The following NFYC variants were observed in gnomAD, a reference collection of about 807,000 sequenced individuals.
The protein encoded by NFYC is CAAT box DNA-binding protein subunit C.
A neutral mutation model predicts 53.1 loss-of-function variants in NFYC; 25 were observed. That is an observed-to-expected ratio of 0.47 (90% CI 0.34 to 0.66). The LOEUF is 0.66. NFYC is among the 30% of genes least tolerant of loss of function. The pLI, the probability that NFYC is intolerant of heterozygous loss-of-function variation, is 0.01. For missense variants in NFYC, 260 were observed against 422.7 expected (o/e 0.62, Z 3.38); for synonymous variants, 145 against 152.6 (o/e 0.95, Z 0.37).
chr1:40,765,266 T>C (rs1468551835), intron 7 of NFYC, among the ~76,000 whole-genome samples: 2 of 152,222 alleles, frequency 1.3e-5, no homozygotes, highest in Non-Finnish European at 2.9e-5. Context: ...GTCCTAATAC[T>C]CTTGCCCTGT....
chr1:40,710,996 A>G (rs1049742791), intron 1 of NFYC, among the ~76,000 whole-genome samples: 5 of 152,152 alleles, frequency 3.3e-5, no homozygotes, highest in African/African-American at 1.2e-4. Flanking sequence ...TCAGATTAGG[A>G]ATTTTCAGGG....
intron 1 of NFYC, among the ~76,000 whole-genome samples, chr1:40,737,965 G>GGATCTCGGCTCACTGCAA (rs1557832426): frequency 2.0e-5 from 3 of 148,090 alleles, no homozygotes; most frequent in Non-Finnish European, 4.5e-5. Flanking sequence ...TGCAGTGGCG[G>GGATCTCGGCTCACTGCAA]GATCTCGGCT....
Position 40,696,111 on chromosome 1 carries a change from C to T in NFYC, c.-9+4244C>T, listed in dbSNP as rs1359241728. ...CGATCTTGGCTCACTGCAACCTCTG[C>T]CTCCCAGGTTCAAGCGATTCTCTTG... On this transcript the variant is annotated intron_variant, in intron 1 of 9. Coordinates refer to ENST00000447388, the MANE Select transcript of NFYC (RefSeq NM_014223.5). Among the ~76,000 whole-genome samples, 5 of 149,684 alleles carry T rather than the reference C, an allele frequency of 3.3e-5. No individual in the cohort carries two copies. The East Asian group carries it at 9.8e-4, about 29-fold the overall frequency.
At chr1:40,743,059 C>T (rs146171629) in intron 2 of NFYC, among the ~76,000 whole-genome samples, 4 of 152,182 alleles carry the variant, frequency 2.6e-5, no homozygotes, top group African/African-American at 7.2e-5. Context: ...GTAAAACTTA[C>T]GAGAATATTC....
At chr1:40,698,875 A>C (rs1231638225) in intron 1 of NFYC, among the ~76,000 whole-genome samples, 1 of 152,218 alleles carries the variant, frequency 6.6e-6, no homozygotes, top group East Asian at 1.9e-4. Flanking sequence ...AATAAGAGGA[A>C]TGAGATGGGC....
intron 1 of NFYC, among the ~76,000 whole-genome samples, chr1:40,728,527 C>T (rs1341726602): frequency 6.6e-6 from 1 of 151,904 alleles, no homozygotes; most frequent in Non-Finnish European, 1.5e-5. Context: ...ACCCAGAAGG[C>T]GGAGGTTGCA....
intron 1 of NFYC, among the ~76,000 whole-genome samples, chr1:40,737,996 G>A (rs933052362): frequency 2.7e-5 from 4 of 149,204 alleles, no homozygotes; most frequent in Admixed American, 6.7e-5. Context: ...TCCGCCTCCC[G>A]GGTTCACGCC....
In NFYC at chr1:40,743,836, C is replaced by T. The variant is rs116332037; in HGVS notation, c.106-3698C>T. Reference sequence around the variant, plus strand: ...TGATGCTGATTTAGTAGGTTAGGAACGGAACCTGGGATTCTGTGTTTCTTT... The same window carrying T: ...TGATGCTGATTTAGTAGGTTAGGAATGGAACCTGGGATTCTGTGTTTCTTT... On this transcript the variant is annotated intron_variant, in intron 2 of 9. Transcript: ENST00000447388. Among the ~76,000 whole-genome samples the T allele has an allele frequency of 1.5e-3, 236 of 152,276 alleles. 1 individual carries two copies. Among genetic ancestry groups the T allele is most frequent in the African/African-American group, 5.4e-3 (226 of 41,542 alleles).
At chr1:40,717,835 G>A (rs1417852639) in intron 1 of NFYC, among the ~76,000 whole-genome samples, 1 of 152,198 alleles carries the variant, frequency 6.6e-6, no homozygotes, top group East Asian at 1.9e-4. Context: ...TAGGAATTTG[G>A]CAGCATTTGC....
intron 1 of NFYC, among the ~76,000 whole-genome samples, chr1:40,727,329 T>C (rs1218191182): frequency 6.6e-6 from 1 of 152,020 alleles, no homozygotes; most frequent in Non-Finnish European, 1.5e-5. Context: ...GCTCAAGTGA[T>C]CCTCCCACCT....
chr1:40,764,857 G>A (rs536366950), intron 7 of NFYC, among the ~76,000 whole-genome samples: 1 of 152,286 alleles, frequency 6.6e-6, no homozygotes, highest in South Asian at 2.1e-4. Flanking sequence ...CTTAACCTAG[G>A]CCAAAAAGGA....
At chr1:40,699,780 G>A (rs1255695819) in intron 1 of NFYC, among the ~76,000 whole-genome samples, 10 of 152,268 alleles carry the variant, frequency 6.6e-5, no homozygotes, top group Non-Finnish European at 1.2e-4. Context: ...CATTTCCCAA[G>A]CTCTTCCACT....
chr1:40,747,291 G>A (rs1182861370), intron 2 of NFYC, among the ~76,000 whole-genome samples: 1 of 148,514 alleles, frequency 6.7e-6, no homozygotes, highest in Non-Finnish European at 1.5e-5. Context: ...TTTCATGAGA[G>A]CACTGTTAGA....
intron 1 of NFYC, among the ~76,000 whole-genome samples, chr1:40,722,893 A>C (rs1265229615): frequency 6.6e-6 from 1 of 152,226 alleles, no homozygotes; most frequent in Non-Finnish European, 1.5e-5. Context: ...GGGAAGGATA[A>C]AACAGAAAAG....
At chr1:40,703,840 T>A (rs926370364) in intron 1 of NFYC, among the ~76,000 whole-genome samples, 4 of 152,220 alleles carry the variant, frequency 2.6e-5, no homozygotes, top group Non-Finnish European at 4.4e-5. Context: ...GTTGAGTGCT[T>A]TCACTTATTT....
intron 1 of NFYC, chr1:40,712,644 G>A (rs187947048): frequency 9.5e-5 from 13 of 136,826 alleles, no homozygotes; most frequent in Admixed American, 4.4e-4. Flanking sequence ...GCAAGTAAAT[G>A]TTGGGATTAA....
intron 1 of NFYC, among the ~76,000 whole-genome samples, chr1:40,738,016 C>T (rs1441138550): frequency 1.3e-5 from 2 of 150,650 alleles, no homozygotes; most frequent in African/African-American, 2.4e-5. Context: ...CATTCTCCTG[C>T]CTCAGCCTCC....
At chr1:40,760,978 C>T (rs1366981243) in intron 6 of NFYC, among the ~76,000 whole-genome samples, 1 of 152,134 alleles carries the variant, frequency 6.6e-6, no homozygotes, top group African/African-American at 2.4e-5. Flanking sequence ...ACAGAATGAA[C>T]TTAGAGGGAG....
intron 2 of NFYC, among the ~76,000 whole-genome samples, chr1:40,739,672 A>G (rs1645234955): frequency 6.6e-6 from 1 of 152,236 alleles, no homozygotes; most frequent in African/African-American, 2.4e-5. Flanking sequence ...CAATCTAGTA[A>G]TTACAACCAG....
Sources: gnomAD v4.1 joint callset for allele counts (sites outside exome capture counted in the v4.1 genomes callset) on GRCh38, gnomAD v4.1.1 for gene constraint, MANE v1.5 for transcripts, NCBI Gene and HGNC (gene_info 2026-07-23, HGNC 2026-07-21) for gene names.